The following PLVAP variants were observed in gnomAD, a reference collection of about 807,000 sequenced individuals.
PLVAP encodes plasmalemma vesicle associated protein, also known as plasmalemma vesicle-associated protein.
PLVAP carries 34 observed loss-of-function variants against 43.1 expected under a neutral mutation model. That is an observed-to-expected ratio of 0.79 (90% CI 0.60 to 1.05). The LOEUF (loss-of-function observed/expected upper bound fraction) is 1.05. Among genes scored for constraint, PLVAP ranks in the 50% least tolerant of loss-of-function variants. The pLI, the probability that PLVAP is intolerant of heterozygous loss-of-function variation, is 0.00. For missense variants in PLVAP, 574 were observed against 593.4 expected, an observed-to-expected ratio of 0.97 and a Z score of 0.34; for synonymous variants, 241 against 237.3, an observed-to-expected ratio of 1.02 and a Z score of -0.14.
intron 3 of PLVAP, among the ~76,000 whole-genome samples, chr19:17,361,302 A>G (rs770164823): frequency 4.6e-5 from 7 of 152,124 alleles, no homozygotes; most frequent in African/African-American, 4.8e-5. Context: ...AAAGACATAC[A>G]TGGTCATGAA....
chr19:17,365,219 C>A, intron 3 of PLVAP, 67 bp downstream of exon 3: 1 of 1,450,582 alleles, frequency 6.9e-7, no homozygotes, highest in South Asian at 1.3e-5. Flanking sequence ...AAGTTCAAAT[C>A]GCCACCACCC....
At chr19:17,359,447 C>G (rs762763172) in intron 5 of PLVAP, among the ~76,000 whole-genome samples, 4 of 151,656 alleles carry the variant, frequency 2.6e-5, no homozygotes, top group Non-Finnish European at 5.9e-5. Context: ...TGCTCTGTTC[C>G]CAGGCTGGAG....
chr19:17,369,885 C>G (rs1568376506), intron 1 of PLVAP, among the ~76,000 whole-genome samples: 1 of 151,116 alleles, frequency 6.6e-6, no homozygotes, highest in East Asian at 1.9e-4. Flanking sequence ...TGCCTGTAAT[C>G]CCAGCTACTT....
At position 17,365,598 on chromosome 19, in the gene PLVAP, G is replaced by T; in HGVS notation, c.867C>A (p.Ser289Arg). ...CCACGCGTTCGATATCCGCCCGGAG[G>T]CTCCGGGCCAGCTCCTCCACCTTGG... ...MSSKVEELARSLRADIERVAR... is the reference protein window; with the variant it reads ...MSSKVEELARRLRADIERVAR... The change falls in exon 3 of 6, where the codon AGC (serine) becomes AGA (arginine). Residue 289 changes from serine to arginine, a missense_variant. Physicochemically the swap from Ser to Arg is moderately radical, Grantham distance 110 (BLOSUM62 -1). Transcript: ENST00000252590. 1 of 1,612,934 alleles carries T rather than the reference G, an allele frequency of 6.2e-7. No homozygotes were observed. The highest frequency in any genetic ancestry group is 8.5e-7 in the Non-Finnish European group (1 of 1,180,012).
At chr19:17,373,065 CAAAAAAAAAAAAAAA>C (rs59152541) in intron 1 of PLVAP, among the ~76,000 whole-genome samples, 1 of 45,690 alleles carries the variant, frequency 2.2e-5, no homozygotes, top group African/African-American at 7.7e-5. Context: ...GACTCTGTCT[CAAAAAAAAAAAAAAA>C]AAAAAAAAAA....
intron 1 of PLVAP, 43 bp from the exon 2 acceptor site, chr19:17,366,238 T>G: frequency 6.2e-7 from 1 of 1,602,248 alleles, no homozygotes; most frequent in Non-Finnish European, 8.5e-7. Context: ...GAGCTTAGTG[T>G]CTTGCCCCCA....
chr19:17,364,348 G>A (rs1393462162), intron 3 of PLVAP, among the ~76,000 whole-genome samples: 1 of 151,774 alleles, frequency 6.6e-6, no homozygotes, highest in African/African-American at 2.4e-5. Context: ...GCCTCCCAAA[G>A]TGCTAGGATT....
chr19:17,359,227 G>A lies in PLVAP; in HGVS notation c.1322+1301C>T, dbSNP rs376702587. 6.6e-5 allele frequency among the ~76,000 whole-genome samples: 8 copies of A among 120,504 alleles called. No homozygotes were observed. The East Asian group carries it at 1.5e-3, about 23-fold the overall frequency. The allele number at this position is 120,504 out of a possible 152,430, so 79.1% of individuals were successfully genotyped here. On this transcript the variant is annotated intron_variant, in intron 5 of 5. Transcript: ENST00000252590. Reference sequence around the variant, plus strand: ...AAGTGATTCTCCTGCCTCAGCCTCCGGAGTAGCTGGGATTACAGGTGCCCA... The same window carrying A: ...AAGTGATTCTCCTGCCTCAGCCTCCAGAGTAGCTGGGATTACAGGTGCCCA...
intron 5 of PLVAP, among the ~76,000 whole-genome samples, chr19:17,353,875 T>G (rs1164863356): frequency 6.6e-6 from 1 of 152,162 alleles, no homozygotes; most frequent in African/African-American, 2.4e-5. Flanking sequence ...CCATGCCCGG[T>G]TACCAGCAGC....
rs2074560982 is a variant in PLVAP, at chr19:17,368,948, A to T, written c.370-2753T>A. On this transcript the variant is annotated intron_variant, in intron 1 of 5. Transcript: ENST00000252590. ...AGCCGAGATCGCGTCTCTGCACTCC[A>T]GTCCAGCCTGGGTGACAGAGCGAGA... Among the ~76,000 whole-genome samples the T allele has an allele frequency of 2.0e-5, 3 of 152,044 alleles. No homozygotes were observed. The East Asian group carries it at 5.8e-4, about 29-fold the overall frequency.
At chr19:17,367,638 C>T (rs2074555716) in intron 1 of PLVAP, among the ~76,000 whole-genome samples, 1 of 152,172 alleles carries the variant, frequency 6.6e-6, no homozygotes, top group African/African-American at 2.4e-5. Context: ...ATCCGCCTAT[C>T]TCGGCCTCCC....
At chr19:17,352,492 C>CT (rs1290559407) in intron 5 of PLVAP, 124 bp from the exon 6 acceptor site, 1 of 1,069,618 alleles carries the variant, frequency 9.3e-7, no homozygotes, top group African/African-American at 1.6e-5. Context: ...GCCCTGCCTC[C>CT]TACCACCCTG....
chr19:17,352,119 A>G lies in PLVAP; in HGVS notation c.*243T>C. 2 of 560,810 alleles carry G rather than the reference A, an allele frequency of 3.6e-6. No individual in the cohort carries two copies. The highest frequency in any genetic ancestry group is 6.4e-6 in the Non-Finnish European group (2 of 310,418). 34.7% of individuals were successfully genotyped at this position (560,810 alleles called of 1,614,324 possible). On this transcript the variant is annotated 3_prime_UTR_variant, in exon 6 of 6. Transcript: ENST00000252590. ...GACGCCATCACCACGGTGATATGTG[A>G]CGTCAGCGCCGTTGCTTGCGTGACG...
chr19:17,360,316 C>G (rs528157459), intron 5 of PLVAP, among the ~76,000 whole-genome samples: 40 of 152,310 alleles, frequency 2.6e-4, no homozygotes, highest in Admixed American at 1.4e-3. Flanking sequence ...CACTGTCTAA[C>G]CCACTACTCA....
At position 17,377,007 on chromosome 19, in the gene PLVAP, G is replaced by A. The variant is rs760629446; in HGVS notation, c.282C>T (p.Ala94=). 1.1e-5 allele frequency: 18 copies of A among 1,614,124 alleles called. No homozygotes were observed. Among genetic ancestry groups the A allele is most frequent in the Non-Finnish European group, 1.4e-5 (17 of 1,180,026 alleles). Residue 94 remains alanine (A), a synonymous_variant, in exon 1 of 6, where the codon GCC becomes GCT. Transcript: ENST00000252590. ...GCCACATCTGCATGATGGCATCCTTGGCGCGGGTGGTGAAGTTGAGCTCCT... is the reference window on the plus strand; with the variant it reads ...GCCACATCTGCATGATGGCATCCTTAGCGCGGGTGGTGAAGTTGAGCTCCT... The part of the protein sequence containing the change: ...LTKELNFTTR[A]KDAIMQMWLN...
chr19:17,352,072 CG>C lies in PLVAP; in HGVS notation c.*289del. On this transcript the variant is annotated 3_prime_UTR_variant, in exon 6 of 6. Transcript: ENST00000252590. ...GCACGACGCCATCGCTATATCTCTTCGTGACGTCTACATGGCCACGTGACGC... is the reference window on the plus strand; with the variant it reads ...GCACGACGCCATCGCTATATCTCTTCTGACGTCTACATGGCCACGTGACGC... 2.0e-6 allele frequency: 1 copy of C among 504,382 alleles called. No individual in the cohort carries two copies. Among genetic ancestry groups the C allele is most frequent in the Non-Finnish European group, 3.6e-6 (1 of 276,966 alleles). 31.2% of individuals were successfully genotyped at this position (504,382 alleles called of 1,614,324 possible). A position where few individuals can be genotyped will look rare whatever the true frequency, so the allele number is the denominator to read the frequency against.
At chr19:17,375,494 A>T (rs1446044229) in intron 1 of PLVAP, among the ~76,000 whole-genome samples, 1 of 152,142 alleles carries the variant, frequency 6.6e-6, no homozygotes, top group East Asian at 1.9e-4. Context: ...ATGGTGGCTC[A>T]TGCCTGTAAT....
rs747980386 is a variant in PLVAP, at chr19:17,360,619, G to A, written c.1241-10C>T. ...TCCAGGCTAGCTGGGTCTGTGGAGG[G>A]AGAGAGGTGAGGCTTGACCTACAGC... On this transcript the variant is annotated splice_polypyrimidine_tract_variant and intron_variant, in intron 4 of 5. Transcript: ENST00000252590. The A allele has an allele frequency of 1.2e-6, 2 of 1,609,814 alleles. No homozygotes were observed. The highest frequency in any genetic ancestry group is 1.7e-6 in the Non-Finnish European group (2 of 1,177,470).
intron 1 of PLVAP, among the ~76,000 whole-genome samples, chr19:17,376,217 C>T (rs1216697923): frequency 1.3e-5 from 2 of 151,940 alleles, no homozygotes; most frequent in East Asian, 1.9e-4. Context: ...TAGCTGGACG[C>T]AGTGCCCCAC....
Sources: gnomAD v4.1 joint callset for allele counts (sites outside exome capture counted in the v4.1 genomes callset) on GRCh38, gnomAD v4.1.1 for gene constraint, MANE v1.5 for transcripts, NCBI Gene and HGNC (gene_info 2026-07-23, HGNC 2026-07-21) for gene names.